TTBK1: variants seen among roughly 807,000 people sequenced by gnomAD.
TTBK1 encodes the protein tau-tubulin kinase 1.
TTBK1 carries 34 observed loss-of-function variants against 108.5 expected under a neutral mutation model. That is an observed-to-expected ratio of 0.31 (90% CI 0.24 to 0.42). The LOEUF (loss-of-function observed/expected upper bound fraction) is 0.42, where lower values mean the gene tolerates loss of function less well. TTBK1 is among the 10% of genes least tolerant of loss of function. TTBK1 has a pLI of 1.00. For synonymous variants in TTBK1, 809 were observed against 795.1 expected (o/e 1.02, Z -0.29); for missense variants, 1,539 against 1,826.0 (o/e 0.84, Z 2.86).
In TTBK1 at chr6:43,259,506, C is replaced by A; in HGVS notation, c.1249-25C>A. 1 of 1,539,378 alleles carries A rather than the reference C, an allele frequency of 6.5e-7. No individual in the cohort carries two copies. Among genetic ancestry groups the A allele is most frequent in the South Asian group, 1.3e-5 (1 of 77,670 alleles). On this transcript the variant is annotated intron_variant, in intron 11 of 14. Coordinates refer to ENST00000259750, the MANE Select transcript of TTBK1 (RefSeq NM_032538.3). This position sits in a 1 kb window ranked among gnomAD's most constrained non-coding sequence, Gnocchi z 6.7. ...CCCACAGCCGCCTCATCAGCCCCAG[C>A]TCATGGCACTCCCCTCTCCTGCAGA...
intron 1 of TTBK1, among the ~76,000 whole-genome samples, chr6:43,244,788 G>C (rs999237613): frequency 1.3e-5 from 2 of 152,074 alleles, no homozygotes; most frequent in Non-Finnish European, 2.9e-5. Flanking sequence ...ACCCAGTTTA[G>C]CTTCTGAAGG....
Position 43,282,603 on chromosome 6 carries a change from T to C in TTBK1, c.1987-124T>C. 2.6e-6 allele frequency: 2 copies of C among 777,078 alleles called. No homozygotes were observed. The highest frequency in any genetic ancestry group is 4.3e-6 in the Non-Finnish European group (2 of 467,480). 48.1% of individuals were successfully genotyped at this position (777,078 alleles called of 1,614,324 possible). A position where few individuals can be genotyped will look rare whatever the true frequency, so the allele number is the denominator to read the frequency against. Reference sequence around the variant, plus strand: ...GACCCAGTGCCTGTGCTTAACTTTATGGAGCTCACACTCTGGTAGACGACC... The same window carrying C: ...GACCCAGTGCCTGTGCTTAACTTTACGGAGCTCACACTCTGGTAGACGACC... On this transcript the variant is annotated intron_variant, in intron 13 of 14. Coordinates refer to ENST00000259750, the MANE Select transcript of TTBK1 (RefSeq NM_032538.3). This position sits in a 1 kb window ranked among gnomAD's most constrained non-coding sequence, Gnocchi z 5.4.
rs1219330493 is a variant in TTBK1 at position 43,285,009 on chromosome 6, C to T, written c.3599C>T (p.Ser1200Leu). 4.0e-6 allele frequency: 6 copies of T among 1,517,074 alleles called. No individual in the cohort carries two copies. The highest frequency in any genetic ancestry group is 2.7e-5 in the East Asian group (1 of 37,226). 94.0% of individuals were successfully genotyped at this position (1,517,074 alleles called of 1,614,324 possible). A position where few individuals can be genotyped will look rare whatever the true frequency, so the allele number is the denominator to read the frequency against. ...CTCCAGCTGCAGACGCCCCCAGGGT[C>T]GGCCACTGCTGCTGACCTCCGCCCC... ...SRLQLQTPPGSATAADLRPKQ... is the reference protein window; with the variant it reads ...SRLQLQTPPGLATAADLRPKQ... The change falls in exon 15 of 15, where the codon TCG (serine) becomes TTG (leucine). Residue 1200 changes from serine (S) to leucine (L), a missense_variant. By Grantham distance (145) the Ser-to-Leu change is moderately radical (BLOSUM62 -2). This residue lies in a region of TTBK1 where 1,055 missense variants were observed against 1,086.5 expected (regional missense o/e 0.97). Coordinates refer to ENST00000259750, the MANE Select transcript of TTBK1 (RefSeq NM_032538.3). This position sits in a 1 kb window ranked among gnomAD's most constrained non-coding sequence, Gnocchi z 4.7.
chr6:43,270,997 C>G, intron 13 of TTBK1: 1 of 985,440 alleles, frequency 1.0e-6, no homozygotes, highest in Non-Finnish European at 1.2e-6. Context: ...GATCTGGACA[C>G]TTGGGAGTGG....
chr6:43,253,842 C>CCT lies in TTBK1; in HGVS notation c.471+136_471+137dup. 1 of 1,194,064 alleles carries CCT rather than the reference C, an allele frequency of 8.4e-7. No individual in the cohort carries two copies. The highest frequency in any genetic ancestry group is 2.6e-5 in the East Asian group (1 of 37,918). The allele number at this position is 1,194,064 out of a possible 1,614,324, so 74.0% of individuals were successfully genotyped here. A position where few individuals can be genotyped will look rare whatever the true frequency, so the allele number is the denominator to read the frequency against. ...TGGGACAGCCTCTTCTCCCCAAGCCCCTCCTGCTCTCCTTCCCAGGCCCCA... is the reference window on the plus strand; with the variant it reads ...TGGGACAGCCTCTTCTCCCCAAGCCCCTCTCCTGCTCTCCTTCCCAGGCCCCA... On this transcript the variant is annotated intron_variant, in intron 5 of 14. Transcript: ENST00000259750. The surrounding 1 kb of genome is among the most constrained non-coding windows in gnomAD (Gnocchi z 5.8).
Position 43,286,085 on chromosome 6 carries a change from GGTGGGCAGGTGATTCT to G in TTBK1, c.*719_*734del, listed in dbSNP as rs946025606. On this transcript the variant is annotated 3_prime_UTR_variant, in exon 15 of 15. Coordinates refer to ENST00000259750, the MANE Select transcript of TTBK1 (RefSeq NM_032538.3). This position sits in a 1 kb window ranked among gnomAD's most constrained non-coding sequence, Gnocchi z 4.6. ...CAGTGGGCAAGTGATCTTGGAGATG[GGTGGGCAGGTGATTCT>G]GTGGGCAGGGGATGTGCTCCCCTGC... The G allele has an allele frequency of 6.5e-6, 1 of 152,786 alleles. No homozygotes were observed. The highest frequency in any genetic ancestry group is 2.4e-5 in the African/African-American group (1 of 41,440). 9.5% of individuals were successfully genotyped at this position (152,786 alleles called of 1,614,324 possible). A position where few individuals can be genotyped will look rare whatever the true frequency, so the allele number is the denominator to read the frequency against.
At chr6:43,275,354 C>T (rs1236349611) in intron 13 of TTBK1, among the ~76,000 whole-genome samples, 2 of 151,956 alleles carry the variant, frequency 1.3e-5, no homozygotes, top group Non-Finnish European at 2.9e-5. Flanking sequence ...GTTCGCGTCC[C>T]CCGCCGCCCC....
chr6:43,253,191 T>C lies in TTBK1; in HGVS notation c.257-100T>C. On this transcript the variant is annotated intron_variant, in intron 3 of 14. Transcript: ENST00000259750. The surrounding 1 kb of genome is among the most constrained non-coding windows in gnomAD (Gnocchi z 5.8). Reference sequence around the variant, plus strand: ...AGACAGGTGCTCACAGGGCCAGCACTGGAGGGACCAGGAATCAAGAGTGCA... The same window carrying C: ...AGACAGGTGCTCACAGGGCCAGCACCGGAGGGACCAGGAATCAAGAGTGCA... 2.2e-6 allele frequency: 3 copies of C among 1,335,948 alleles called. No individual in the cohort carries two copies. Among genetic ancestry groups the C allele is most frequent in the Non-Finnish European group, 3.2e-6 (3 of 929,502 alleles). The allele number at this position is 1,335,948 out of a possible 1,614,324, so 82.8% of individuals were successfully genotyped here.
At position 43,287,605 on chromosome 6, in the gene TTBK1, A is replaced by G; in HGVS notation, c.*2229A>G. 1 of 152,072 alleles carries G rather than the reference A, an allele frequency of 6.6e-6. No homozygotes were observed. Among genetic ancestry groups the G allele is most frequent in the Non-Finnish European group, 1.5e-5 (1 of 68,080 alleles). The allele number at this position is 152,072 out of a possible 1,614,324, so 9.4% of individuals were successfully genotyped here. A position where few individuals can be genotyped will look rare whatever the true frequency, so the allele number is the denominator to read the frequency against. On this transcript the variant is annotated 3_prime_UTR_variant, in exon 15 of 15. Transcript: ENST00000259750. This position sits in a 1 kb window ranked among gnomAD's most constrained non-coding sequence, Gnocchi z 4.1. ...CTCTGAGTCACTGAATGTCACCAGGAGAGGTGGGGGAGGGAAAGTGGGCCA... is the reference window on the plus strand; with the variant it reads ...CTCTGAGTCACTGAATGTCACCAGGGGAGGTGGGGGAGGGAAAGTGGGCCA...
At chr6:43,246,909 T>C in intron 2 of TTBK1, 141 bp downstream of exon 2, 1 of 615,852 alleles carries the variant, frequency 1.6e-6, no homozygotes, top group Non-Finnish European at 2.8e-6. Flanking sequence ...TGCTTGCATG[T>C]CATTATTTTT....
intron 12 of TTBK1, among the ~76,000 whole-genome samples, chr6:43,261,808 C>CAAAAAAAA (rs11409412): frequency 1.2e-5 from 1 of 86,078 alleles, no homozygotes; most frequent in African/African-American, 4.6e-5. Flanking sequence ...GATTCTGTCT[C>CAAAAAAAA]AAAAAAAAAA....
In TTBK1 at chr6:43,253,536, T is replaced by G. The variant is rs775360987; in HGVS notation, c.331-32T>G. On this transcript the variant is annotated intron_variant, in intron 4 of 14. Coordinates refer to ENST00000259750, the MANE Select transcript of TTBK1 (RefSeq NM_032538.3). The surrounding 1 kb of genome is among the most constrained non-coding windows in gnomAD (Gnocchi z 5.8). ...TGGTGTCTGGGATGATGGCTGAGGG[T>G]GAGTCTACCCCCCACCTCCACCCCC... 1.3e-5 allele frequency: 20 copies of G among 1,589,736 alleles called. No individual in the cohort carries two copies. The highest frequency in any genetic ancestry group is 1.6e-5 in the Non-Finnish European group (19 of 1,167,878).
In TTBK1 at chr6:43,252,719, CT is replaced by C; in HGVS notation, c.109-19del. ...GTTCAGCCTGATCCCTGAGCACCCC[CT>C]ATCCCCTCATCTTCATAGCTGAAAA... On this transcript the variant is annotated intron_variant, in intron 2 of 14. Coordinates refer to ENST00000259750, the MANE Select transcript of TTBK1 (RefSeq NM_032538.3). 5 of 1,613,604 alleles carry C rather than the reference CT, an allele frequency of 3.1e-6. No homozygotes were observed. The highest frequency in any genetic ancestry group is 4.2e-6 in the Non-Finnish European group (5 of 1,179,852).
Position 43,270,347 on chromosome 6 carries a change from A to G in TTBK1, c.1986+6997A>G, listed in dbSNP as rs114695483. ...TGGGCTTTGTTCTGTTTAATTTGTG[A>G]TCTCTTGGCATGGCTGGGTCTGATC... On this transcript the variant is annotated intron_variant, in intron 13 of 14. Transcript: ENST00000259750. 2,740 of 1,012,730 alleles carry G rather than the reference A, an allele frequency of 2.7e-3. 52 individuals carry two copies. In the African/African-American group the frequency reaches 0.044, roughly 16 times the overall value. 62.7% of individuals were successfully genotyped at this position (1,012,730 alleles called of 1,614,324 possible).
intron 2 of TTBK1, among the ~76,000 whole-genome samples, chr6:43,248,606 C>T (rs1030450263): frequency 3.3e-5 from 5 of 152,088 alleles, no homozygotes; most frequent in African/African-American, 9.7e-5. Context: ...GCCTGTAATC[C>T]CAGCTACCTG....
At position 43,253,263 on chromosome 6, in the gene TTBK1, C is replaced by A; in HGVS notation, c.257-28C>A. 6.2e-7 allele frequency: 1 copy of A among 1,612,320 alleles called. No individual in the cohort carries two copies. The highest frequency in any genetic ancestry group is 8.5e-7 in the Non-Finnish European group (1 of 1,178,402). On this transcript the variant is annotated intron_variant, in intron 3 of 14. Coordinates refer to ENST00000259750, the MANE Select transcript of TTBK1 (RefSeq NM_032538.3). The surrounding 1 kb of genome is among the most constrained non-coding windows in gnomAD (Gnocchi z 5.8). ...GGAAATGAGGAAGAAAGAGTAAGAG[C>A]TGGAAGACCTATGTCTGTGCCCCTC...
At chr6:43,264,931 C>A (rs536805539) in intron 13 of TTBK1, among the ~76,000 whole-genome samples, 3 of 152,010 alleles carry the variant, frequency 2.0e-5, no homozygotes, top group Non-Finnish European at 2.9e-5. Context: ...GCTGGAAGGG[C>A]AGGGAGGGGC....
rs147230216 is a variant in TTBK1 at position 43,283,973 on chromosome 6, G to A, written c.3233G>A (p.Arg1078Gln). 9.5e-5 allele frequency: 153 copies of A among 1,611,108 alleles called. No individual in the cohort carries two copies. The highest frequency in any genetic ancestry group is 1.1e-4 in the Non-Finnish European group (124 of 1,178,534). Reference sequence around the variant, plus strand: ...TCAGGCTCACTGTCGGCCAAAGAGCGGTGGAGCAAGCGGGCTCGGCCGCAG... The same window carrying A: ...TCAGGCTCACTGTCGGCCAAAGAGCAGTGGAGCAAGCGGGCTCGGCCGCAG... Reference protein sequence around the residue: ...EPSGSLSAKERWSKRARPQQD... With the variant: ...EPSGSLSAKEQWSKRARPQQD... The change falls in exon 14 of 15, where the codon CGG becomes CAG. Residue 1078 changes from arginine (R) to glutamine (Q), a missense_variant. Coordinates refer to ENST00000259750, the MANE Select transcript of TTBK1 (RefSeq NM_032538.3). This position sits in a 1 kb window ranked among gnomAD's most constrained non-coding sequence, Gnocchi z 8.1.
In TTBK1 at chr6:43,287,851, A is replaced by G. The variant is rs1407414106; in HGVS notation, c.*2475A>G. On this transcript the variant is annotated 3_prime_UTR_variant, in exon 15 of 15. Coordinates refer to ENST00000259750, the MANE Select transcript of TTBK1 (RefSeq NM_032538.3). The surrounding 1 kb of genome is among the most constrained non-coding windows in gnomAD (Gnocchi z 4.1). Reference sequence around the variant, plus strand: ...CCCATCACAACAACCTATGTCACTGACTCAGATGCAGGGTCTGCTCACCCC... The same window carrying G: ...CCCATCACAACAACCTATGTCACTGGCTCAGATGCAGGGTCTGCTCACCCC... 6.6e-6 allele frequency: 1 copy of G among 152,304 alleles called. No individual in the cohort carries two copies. Among genetic ancestry groups the G allele is most frequent in the African/African-American group, 2.4e-5 (1 of 41,348 alleles). 9.4% of individuals were successfully genotyped at this position (152,304 alleles called of 1,614,324 possible).
Sources: gnomAD v4.1 joint callset for allele counts (sites outside exome capture counted in the v4.1 genomes callset) on GRCh38, gnomAD v4.1.1 for gene constraint, gnomAD v4.1.1 regional missense constraint, Gnocchi (gnomAD v3.1) non-coding constraint, MANE v1.5 for transcripts, NCBI Gene and HGNC (gene_info 2026-07-23, HGNC 2026-07-21) for gene names.